Variants in LPIN1 observed in about 807,000 individuals in gnomAD.
The protein encoded by LPIN1 is lipin 1.
A neutral mutation model predicts 107.5 loss-of-function variants in LPIN1; 71 were observed. The observed-to-expected ratio is 0.66, with a 90% CI of 0.55 to 0.80. The LOEUF (loss-of-function observed/expected upper bound fraction) is 0.80. Ranked by LOEUF, LPIN1 falls within the 30% of genes least tolerant of loss-of-function variation. The pLI is 0.00. For synonymous variants in LPIN1, 445 were observed against 452.6 expected (o/e 0.98, Z 0.21); for missense variants, 1,043 against 1,160.6 (o/e 0.90, Z 1.47).
chr2:11,743,993 C>T (rs771191280), upstream of LPIN1, among the ~76,000 whole-genome samples: 3 of 152,220 alleles, frequency 2.0e-5, no homozygotes, highest in Non-Finnish European at 2.9e-5. The surrounding 1 kb of genome is among the most constrained non-coding windows in gnomAD (Gnocchi z 4.7). Flanking sequence ...ATCTTCCAAC[C>T]CCACAACTGT....
At position 11,799,292 on chromosome 2, in the gene LPIN1, G is replaced by C. The variant is rs186703596; in HGVS notation, c.1887-3615G>C. On this transcript the variant is annotated intron_variant, in intron 14 of 20. Coordinates refer to ENST00000674199, the MANE Select transcript of LPIN1 (RefSeq NM_001349206.2). ...AGCAGATGGAAATCACAGCTATTCC[G>C]CCTTGCCTCCTCATCCCGCCGGCAG... 2.0e-5 allele frequency among the ~76,000 whole-genome samples: 3 copies of C among 151,950 alleles called. No homozygotes were observed. In the East Asian group the frequency reaches 5.8e-4, roughly 29 times the overall value.
chr2:11,716,579 G>A (rs1233674562), intron 2 of LPIN1, among the ~76,000 whole-genome samples: 3 of 151,988 alleles, frequency 2.0e-5, no homozygotes, highest in Non-Finnish European at 4.4e-5. Flanking sequence ...TCACCAAGCA[G>A]GGGAGGGGGT....
rs1019964621 is a variant in LPIN1, at chr2:11,759,647, C to T, written c.-9-5886C>T. The stretch of plus-strand genomic sequence containing the variant: ...TCCCCACATTTCCCCCTTTTCTATT[C>T]GACAAAACCGCCATTGTCATCATGG... On this transcript the variant is annotated intron_variant, in intron 1 of 20. Transcript: ENST00000674199. Among the ~76,000 whole-genome samples, 45 of 150,366 alleles carry T rather than the reference C, an allele frequency of 3.0e-4. 1 individual carries two copies. Among genetic ancestry groups the T allele is most frequent in the Admixed American group, 2.9e-3 (44 of 15,090 alleles).
intron 1 of LPIN1, among the ~76,000 whole-genome samples, chr2:11,759,506 C>T (rs1250068127): frequency 6.6e-6 from 1 of 152,088 alleles, no homozygotes; most frequent in African/African-American, 2.4e-5. Flanking sequence ...GGGGTAAGGT[C>T]ATAGATCAAC....
chr2:11,726,264 G>A (rs746223027), intron 1 of LPIN1, among the ~76,000 whole-genome samples: 5 of 152,022 alleles, frequency 3.3e-5, no homozygotes, highest in Non-Finnish European at 5.9e-5. Context: ...TGGCTCTCCC[G>A]GACCTTCAGG....
At chr2:11,756,003 A>G (rs547581735) in intron 1 of LPIN1, among the ~76,000 whole-genome samples, 18 of 152,198 alleles carry the variant, frequency 1.2e-4, no homozygotes, top group Non-Finnish European at 1.6e-4. Context: ...TCACAGGCAT[A>G]AGCCACCACG....
intron 1 of LPIN1, among the ~76,000 whole-genome samples, chr2:11,756,423 C>T (rs893777506): frequency 5.3e-5 from 8 of 152,214 alleles, no homozygotes; most frequent in African/African-American, 1.9e-4. Context: ...GAGTCTCACT[C>T]TGTCGCCCAG....
At chr2:11,684,157 C>T (rs1293613102) in intron 1 of LPIN1, among the ~76,000 whole-genome samples, 2 of 152,176 alleles carry the variant, frequency 1.3e-5, no homozygotes, top group African/African-American at 4.8e-5. Flanking sequence ...GGGCTGGCTT[C>T]TGGAGCTGGA....
chr2:11,698,235 C>T (rs1395722954), intron 1 of LPIN1, among the ~76,000 whole-genome samples: 3 of 152,230 alleles, frequency 2.0e-5, no homozygotes, highest in Non-Finnish European at 2.9e-5. Context: ...ATGAGCCGCA[C>T]GTGGCCCTCA....
intron 1 of LPIN1, among the ~76,000 whole-genome samples, chr2:11,702,806 C>G (rs1024733031): frequency 6.6e-6 from 1 of 152,186 alleles, no homozygotes; most frequent in African/African-American, 2.4e-5. Context: ...CTCTCTGTCT[C>G]TCCTCACTAT....
At chr2:11,800,214 C>T (rs1190771400) in intron 14 of LPIN1, among the ~76,000 whole-genome samples, 2 of 152,062 alleles carry the variant, frequency 1.3e-5, no homozygotes, top group African/African-American at 4.8e-5. Context: ...TCTGGGCCAC[C>T]ATCCCAAAGC....
rs1010434571 is a variant in LPIN1, at chr2:11,680,493, G to C, written c.81+2765G>C. ...TTCTGCAGGAGGTCAAGGTGGAATG[G>C]GAATGGGTGGGGCTGCAGCTGGCAA... On this transcript the variant is annotated intron_variant, in intron 1 of 21. Coordinates refer to the LPIN1 transcript ENST00000449576. Among the ~76,000 whole-genome samples the C allele has an allele frequency of 3.3e-5, 5 of 152,170 alleles. No homozygotes were observed. The East Asian group carries it at 7.7e-4, about 23-fold the overall frequency.
At chr2:11,720,872 G>A (rs1664080727), upstream of LPIN1, among the ~76,000 whole-genome samples, 1 of 151,878 alleles carries the variant, frequency 6.6e-6, no homozygotes, top group Non-Finnish European at 1.5e-5. Flanking sequence ...GATGTACGGT[G>A]TCAGGTTAGG....
chr2:11,695,894 A>AT (rs1250743569), intron 1 of LPIN1, among the ~76,000 whole-genome samples: 1 of 151,820 alleles, frequency 6.6e-6, no homozygotes, highest in Non-Finnish European at 1.5e-5. Context: ...CCTCCCATAG[A>AT]TTTTTTTGAC....
chr2:11,736,202 C>G lies in LPIN1; in HGVS notation c.-71-5147C>G, dbSNP rs575212270. Among the ~76,000 whole-genome samples, 8 of 152,324 alleles carry G rather than the reference C, an allele frequency of 5.3e-5. No homozygotes were observed. In the South Asian group the frequency reaches 1.7e-3, roughly 32 times the overall value. On this transcript the variant is annotated intron_variant, in intron 1 of 21. Transcript: ENST00000396097. ...AATTTGATGCCCTTTAGGATGCGAG[C>G]ATCTTTTCAGGTCTCTTTAGAATGC...
chr2:11,755,091 A>G (rs1668456173), intron 1 of LPIN1, among the ~76,000 whole-genome samples: 2 of 150,074 alleles, frequency 1.3e-5, no homozygotes, highest in African/African-American at 2.5e-5. Context: ...TCAGCCTCCC[A>G]AGTAGCTGGG....
At chr2:11,810,124 C>T (rs575585671) in intron 17 of LPIN1, among the ~76,000 whole-genome samples, 172 of 152,246 alleles carry the variant, frequency 1.1e-3, no homozygotes, top group African/African-American at 3.9e-3. Flanking sequence ...TAGGTGCCGT[C>T]GGGGGTGCTG....
chr2:11,795,143 G>T (rs1676436164), intron 13 of LPIN1, among the ~76,000 whole-genome samples: 1 of 152,174 alleles, frequency 6.6e-6, no homozygotes, highest in South Asian at 2.1e-4. Flanking sequence ...AGTTTGGTTT[G>T]GTGCCACAAA....
chr2:11,728,370 T>C (rs1278494531), intron 1 of LPIN1, among the ~76,000 whole-genome samples: 3 of 152,128 alleles, frequency 2.0e-5, no homozygotes, highest in Non-Finnish European at 4.4e-5. Flanking sequence ...AAATCCTCTA[T>C]CTTACTACTT....
Sources: gnomAD v4.1 joint callset for allele counts (sites outside exome capture counted in the v4.1 genomes callset) on GRCh38, gnomAD v4.1.1 for gene constraint, Gnocchi (gnomAD v3.1) non-coding constraint, MANE v1.5 for transcripts, NCBI Gene and HGNC (gene_info 2026-07-23, HGNC 2026-07-21) for gene names.